RDX: variants seen among roughly 807,000 people sequenced by gnomAD.
The protein encoded by RDX is radixin, also known as deafness, autosomal recessive 24.
A neutral mutation model predicts 83.7 loss-of-function variants in RDX; 32 were observed. That is an observed-to-expected ratio of 0.38 (90% CI 0.29 to 0.51). The LOEUF is 0.51. Among genes scored for constraint, RDX ranks in the 20% least tolerant of loss-of-function variants. RDX has a pLI of 0.87. For missense variants in RDX, 600 were observed against 689.9 expected (o/e 0.87, Z 1.46); for synonymous variants, 229 against 222.7 (o/e 1.03, Z -0.25).
chr11:110,229,680 A>C lies in RDX; in HGVS notation c.*2189T>G, dbSNP rs1371267942. 1 of 152,552 alleles carries C rather than the reference A, an allele frequency of 6.6e-6. No individual in the cohort carries two copies. The highest frequency in any genetic ancestry group is 1.5e-5 in the Non-Finnish European group (1 of 67,934). 9.4% of individuals were successfully genotyped at this position (152,552 alleles called of 1,614,324 possible). Reference sequence around the variant, plus strand: ...TCCATATTGCAAATGGTTCTTGTTTAGAAAAATTCACACAGCCTTAAAAAT... The same window carrying C: ...TCCATATTGCAAATGGTTCTTGTTTCGAAAAATTCACACAGCCTTAAAAAT... On this transcript the variant is annotated 3_prime_UTR_variant, in exon 14 of 14. Coordinates refer to ENST00000645495, the MANE Select transcript of RDX (RefSeq NM_002906.4).
At position 110,236,978 on chromosome 11, in the gene RDX, A is replaced by G. The variant is rs1399880059; in HGVS notation, c.1251+514T>C. Among the ~76,000 whole-genome samples, 8 of 152,216 alleles carry G rather than the reference A, an allele frequency of 5.3e-5. No homozygotes were observed. In the East Asian group the frequency reaches 1.5e-3, roughly 29 times the overall value. On this transcript the variant is annotated intron_variant, in intron 11 of 13. Transcript: ENST00000645495. Reference sequence around the variant, plus strand: ...CTCAGAAAGACCCAAAGACACATACATAGCAAGTACATGTGTGAACTAATA... The same window carrying G: ...CTCAGAAAGACCCAAAGACACATACGTAGCAAGTACATGTGTGAACTAATA...
At chr11:110,186,430 G>A (rs1025891221) in intron 15 of RDX, among the ~76,000 whole-genome samples, 2 of 151,022 alleles carry the variant, frequency 1.3e-5, no homozygotes, top group South Asian at 2.1e-4. Context: ...TTCATCACTC[G>A]TTTTTTTTTC....
rs1271115377 is a variant in RDX, at chr11:110,264,889, C to T, written c.97-15G>A. The stretch of plus-strand genomic sequence containing the variant: ...GTTTTCACCACCTAAAACACAACAA[C>T]AACAAAAAAACACAATTTCAGTCCA... On this transcript the variant is annotated splice_polypyrimidine_tract_variant and intron_variant, in intron 3 of 13. Transcript: ENST00000645495. The T allele has an allele frequency of 6.2e-7, 1 of 1,606,998 alleles. No individual in the cohort carries two copies. The highest frequency in any genetic ancestry group is 8.5e-7 in the Non-Finnish European group (1 of 1,174,132).
At chr11:110,250,558 T>C (rs1859291315) in intron 9 of RDX, among the ~76,000 whole-genome samples, 1 of 152,196 alleles carries the variant, frequency 6.6e-6, no homozygotes, top group African/African-American at 2.4e-5. Context: ...TATATGGCCC[T>C]TTCTGCAGAT....
At chr11:110,284,959 A>G (rs954068306) in intron 1 of RDX, among the ~76,000 whole-genome samples, 6 of 152,248 alleles carry the variant, frequency 3.9e-5, no homozygotes, top group African/African-American at 1.2e-4. Context: ...TTGCTTATAC[A>G]TATCTTTCAT....
chr11:110,252,646 T>C (rs923775597), intron 9 of RDX, among the ~76,000 whole-genome samples: 12 of 152,316 alleles, frequency 7.9e-5, no homozygotes, highest in Middle Eastern at 3.4e-3. Flanking sequence ...AAGAATGTAC[T>C]GTATAGAAAG....
intron 3 of RDX, among the ~76,000 whole-genome samples, chr11:110,270,877 T>A (rs771735348): frequency 4.6e-5 from 7 of 152,222 alleles, no homozygotes; most frequent in Non-Finnish European, 1.0e-4. Flanking sequence ...TCACTTACTA[T>A]AAATAACATT....
At chr11:110,296,279 G>A (rs976353055) in intron 1 of RDX, among the ~76,000 whole-genome samples, 188 bp downstream of exon 1, 6 of 152,052 alleles carry the variant, frequency 3.9e-5, no homozygotes, top group Non-Finnish European at 7.4e-5. Context: ...AGCCCCGGGA[G>A]GAGCCTGGCC....
At chr11:110,179,988 G>A (rs1268522888) in intron 15 of RDX, 6 of 348,362 alleles carry the variant, frequency 1.7e-5, no homozygotes, top group Admixed American at 3.6e-5. Flanking sequence ...TGCAACCTCC[G>A]CCTCACAGGT....
At chr11:110,243,573 C>T (rs1462033777) in intron 10 of RDX, among the ~76,000 whole-genome samples, 1 of 152,042 alleles carries the variant, frequency 6.6e-6, no homozygotes, top group Non-Finnish European at 1.5e-5. Context: ...TAAAAATTAG[C>T]CGAGCGTGGT....
At chr11:110,195,021 C>T (rs987013389) in intron 15 of RDX, among the ~76,000 whole-genome samples, 1 of 151,786 alleles carries the variant, frequency 6.6e-6, no homozygotes, top group African/African-American at 2.4e-5. Flanking sequence ...GACAGGATCT[C>T]GCTTTGTCGT....
At chr11:110,274,638 C>A (rs1024071744) in intron 2 of RDX, among the ~76,000 whole-genome samples, 1 of 131,826 alleles carries the variant, frequency 7.6e-6, no homozygotes, top group Non-Finnish European at 1.7e-5. Context: ...ACTACTGTTA[C>A]TACACACTTC....
At chr11:110,239,216 CCA>C (rs1864984598) in intron 10 of RDX, among the ~76,000 whole-genome samples, 5 of 134,638 alleles carry the variant, frequency 3.7e-5, no homozygotes, top group Admixed American at 7.4e-5. Context: ...TTTACCATAG[CCA>C]AAAAAAAAAA....
intron 14 of RDX, among the ~76,000 whole-genome samples, chr11:110,211,297 A>C (rs1362330983): frequency 6.6e-6 from 1 of 152,234 alleles, no homozygotes; most frequent in Admixed American, 6.5e-5. Context: ...TCCTAAATAT[A>C]TATGCACCCA....
rs12289214 is a variant in RDX, at chr11:110,245,245, C to T, written c.1090+2458G>A. The stretch of plus-strand genomic sequence containing the variant: ...GGGATTACAGGCATGAGCCACCACG[C>T]CTGGCCAAATTTTTTGTTTTTTAAA... On this transcript the variant is annotated intron_variant, in intron 10 of 13. Transcript: ENST00000645495. 1.4e-3 allele frequency among the ~76,000 whole-genome samples: 214 copies of T among 152,212 alleles called. 2 individuals carry two copies. The highest frequency in any genetic ancestry group is 4.9e-3 in the African/African-American group (204 of 41,566).
chr11:110,214,227 A>G (rs1432204184), intron 14 of RDX, among the ~76,000 whole-genome samples: 3 of 150,636 alleles, frequency 2.0e-5, no homozygotes, highest in African/African-American at 4.9e-5. Context: ...GCAGCCAAAA[A>G]ACACATGAAA....
chr11:110,183,328 C>T lies in RDX; in HGVS notation c.*32-8094G>A, dbSNP rs562052819. On this transcript the variant is annotated intron_variant, in intron 15 of 15. Coordinates refer to the RDX transcript ENST00000528498. ...GCTATTAATATATGTATATCTGTAT[C>T]GATAGATACTAGAAAAGTTCTTGCG... 7.9e-5 allele frequency among the ~76,000 whole-genome samples: 12 copies of T among 152,250 alleles called. No homozygotes were observed. In the East Asian group the frequency reaches 2.1e-3, roughly 27 times the overall value.
In RDX at chr11:110,196,477, G is replaced by C. The variant is rs565081881; in HGVS notation, c.*31+3104C>G. Among the ~76,000 whole-genome samples, 7 of 152,316 alleles carry C rather than the reference G, an allele frequency of 4.6e-5. No individual in the cohort carries two copies. In the East Asian group the frequency reaches 1.3e-3, roughly 29 times the overall value. On this transcript the variant is annotated intron_variant, in intron 15 of 15. Transcript: ENST00000528498. Reference sequence around the variant, plus strand: ...GAGTCTCACATATAGATTTTGCAATGTTCTGATCCAGAATTATGATGTGGA... The same window carrying C: ...GAGTCTCACATATAGATTTTGCAATCTTCTGATCCAGAATTATGATGTGGA...
chr11:110,206,516 T>C (rs1863611693), intron 14 of RDX, among the ~76,000 whole-genome samples: 1 of 152,136 alleles, frequency 6.6e-6, no homozygotes, highest in South Asian at 2.1e-4. Context: ...ACACAGATAG[T>C]AAAAGCTAAG....
Sources: allele counts gnomAD v4.1 joint callset (sites outside exome capture counted in the v4.1 genomes callset), GRCh38; gene constraint gnomAD v4.1.1; transcripts MANE v1.5; gene names NCBI Gene and HGNC (gene_info 2026-07-23, HGNC 2026-07-21).